The following CSMD1 variants were observed in gnomAD, a reference collection of about 807,000 sequenced individuals.
CSMD1 encodes the protein CUB and sushi domain-containing protein 1.
In CSMD1, 213 loss-of-function variants were observed where a neutral mutation model predicts 417.5. The observed-to-expected ratio is 0.51, with a 90% confidence interval of 0.46 to 0.57. The LOEUF is 0.57. Among genes scored for constraint, CSMD1 ranks in the 20% least tolerant of loss-of-function variants. CSMD1 has a pLI of 0.00. For missense variants in CSMD1, 6,923 were observed against 4,529.7 expected (o/e 1.53, Z -15.17); for synonymous variants, 2,862 against 1,736.8 (o/e 1.65, Z -16.11).
At chr8:3,304,906 A>T (rs562797224) in intron 25 of CSMD1, among the ~76,000 whole-genome samples, 86 of 152,298 alleles carry the variant, frequency 5.6e-4, no homozygotes, top group Admixed American at 1.1e-3. Context: ...CTAAAAGAAG[A>T]TAAATTATTT....
At chr8:3,480,647 G>C (rs183552008) in intron 11 of CSMD1, among the ~76,000 whole-genome samples, 2 of 152,050 alleles carry the variant, frequency 1.3e-5, no homozygotes, top group Admixed American at 6.5e-5. Flanking sequence ...TCTAATCCAA[G>C]TTTTAAAAAC....
intron 2 of CSMD1, among the ~76,000 whole-genome samples, chr8:4,529,692 A>C (rs1441877258): frequency 6.6e-6 from 1 of 152,094 alleles, no homozygotes; most frequent in Non-Finnish European, 1.5e-5. Context: ...TGTAAGTATA[A>C]TTCATAGAAT....
intron 43 of CSMD1, among the ~76,000 whole-genome samples, chr8:3,109,861 A>C (rs2129015872): frequency 6.6e-6 from 1 of 151,952 alleles, no homozygotes; most frequent in Middle Eastern, 3.4e-3. Flanking sequence ...ACACCCACAG[A>C]GACACACATC....
chr8:3,253,014 C>T (rs927059101), intron 26 of CSMD1, among the ~76,000 whole-genome samples: 5 of 152,064 alleles, frequency 3.3e-5, no homozygotes, highest in African/African-American at 1.2e-4. Context: ...AAAAAACCAG[C>T]TCCTGGATTC....
chr8:4,477,397 C>T (rs558384898), intron 2 of CSMD1, among the ~76,000 whole-genome samples: 2 of 152,280 alleles, frequency 1.3e-5, no homozygotes, highest in South Asian at 4.1e-4. Flanking sequence ...CGATCAGTCT[C>T]GGGGACTTGG....
chr8:4,261,627 G>A (rs1010084143), intron 3 of CSMD1, among the ~76,000 whole-genome samples: 20 of 151,998 alleles, frequency 1.3e-4, no homozygotes, highest in African/African-American at 4.6e-4. Context: ...GCAGGCTAGT[G>A]TTGAACTCCT....
intron 25 of CSMD1, among the ~76,000 whole-genome samples, chr8:3,302,104 C>T (rs1409565324): frequency 6.6e-6 from 1 of 152,010 alleles, no homozygotes; most frequent in Admixed American, 6.6e-5. Flanking sequence ...AGTCTCCCGC[C>T]CCTTGGAGGG....
intron 54 of CSMD1, among the ~76,000 whole-genome samples, chr8:2,996,133 T>C (rs1806875603): frequency 2.0e-5 from 3 of 152,154 alleles, no homozygotes; most frequent in Admixed American, 6.6e-5. Flanking sequence ...CATTTTATTA[T>C]GAATGTATTT....
intron 12 of CSMD1, among the ~76,000 whole-genome samples, chr8:3,430,314 A>C (rs1814135493): frequency 6.6e-6 from 1 of 152,166 alleles, no homozygotes; most frequent in Non-Finnish European, 1.5e-5. Flanking sequence ...ATGTGCTGAG[A>C]AATGTAGAAA....
At chr8:4,941,261 CAG>C (rs1389972515) in intron 1 of CSMD1, among the ~76,000 whole-genome samples, 1 of 114,026 alleles carries the variant, frequency 8.8e-6, no homozygotes, top group Non-Finnish European at 2.0e-5. Context: ...GTTTCAAACA[CAG>C]TAACATTCTT....
At chr8:3,226,838 A>T (rs1483718084) in intron 27 of CSMD1, among the ~76,000 whole-genome samples, 1 of 152,142 alleles carries the variant, frequency 6.6e-6, no homozygotes, top group Non-Finnish European at 1.5e-5. Context: ...AAAGAGAGAG[A>T]GCCAGTAATG....
At chr8:4,583,233 G>A (rs1302987675) in intron 2 of CSMD1, among the ~76,000 whole-genome samples, 2 of 152,242 alleles carry the variant, frequency 1.3e-5, no homozygotes, top group African/African-American at 4.8e-5. Flanking sequence ...ACAGGGACTG[G>A]CAGGCAGCTC....
At chr8:3,449,990 C>T (rs62505626) in intron 12 of CSMD1, among the ~76,000 whole-genome samples, 13,887 of 152,276 alleles carry the variant, frequency 0.091, 700 homozygotes, top group Middle Eastern at 0.14. Flanking sequence ...AAAAGCCAGA[C>T]GGGAGAGAGG....
chr8:4,633,824 T>G (rs13269324), intron 2 of CSMD1, among the ~76,000 whole-genome samples: 32,340 of 151,708 alleles, frequency 0.21, 3,542 homozygotes, highest in African/African-American at 0.23. Context: ...GCCTCCCAAA[T>G]TGCTGGGATT....
chr8:3,752,111 C>T (rs577919978), intron 6 of CSMD1, among the ~76,000 whole-genome samples: 16 of 152,256 alleles, frequency 1.1e-4, no homozygotes, highest in African/African-American at 3.1e-4. Context: ...ACCGCCAACA[C>T]GTCCATCCCA....
At chr8:3,120,151 C>A (rs1817114134) in intron 41 of CSMD1, among the ~76,000 whole-genome samples, 1 of 151,954 alleles carries the variant, frequency 6.6e-6, no homozygotes. Flanking sequence ...TGTTCAGGAC[C>A]TGAGAAAAAG....
intron 7 of CSMD1, among the ~76,000 whole-genome samples, chr8:3,636,684 G>C (rs1006817357): frequency 6.6e-6 from 1 of 152,246 alleles, no homozygotes; most frequent in Admixed American, 6.5e-5. Context: ...ATCCTGTGGA[G>C]AGGTGAAGCC....
rs138640952 is a variant in CSMD1, at chr8:4,719,803, T to C, written c.86-82245A>G. Among the ~76,000 whole-genome samples, 538 of 152,298 alleles carry C rather than the reference T, an allele frequency of 3.5e-3. 1 individual carries two copies. The highest frequency in any genetic ancestry group is 0.013 in the African/African-American group (521 of 41,564). On this transcript the variant is annotated intron_variant, in intron 1 of 69. Coordinates refer to ENST00000635120, the MANE Select transcript of CSMD1 (RefSeq NM_033225.6). ...TATTTCCCTTTGAGAGCTTGAACTATTGCTGCCTTTTACTTTCATAAATAA... is the reference window on the plus strand; with the variant it reads ...TATTTCCCTTTGAGAGCTTGAACTACTGCTGCCTTTTACTTTCATAAATAA...
intron 9 of CSMD1, among the ~76,000 whole-genome samples, chr8:3,584,928 T>A (rs7013570): frequency 6.6e-6 from 1 of 152,090 alleles, no homozygotes; most frequent in East Asian, 1.9e-4. Context: ...TATGTTAGAA[T>A]TGAAAAATGC....
Sources: allele counts gnomAD v4.1 joint callset (sites outside exome capture counted in the v4.1 genomes callset), GRCh38; gene constraint gnomAD v4.1.1; transcripts MANE v1.5; gene names NCBI Gene and HGNC (gene_info 2026-07-23, HGNC 2026-07-21).